The following BBS9 variants were observed in gnomAD, a reference collection of about 807,000 sequenced individuals.
The protein encoded by BBS9 is protein PTHB1.
Under a neutral mutation model 117.7 loss-of-function variants are expected in BBS9, and 89 were observed. The ratio of observed to expected loss-of-function variants is 0.76; its 90% confidence interval spans 0.64 to 0.90. The LOEUF (loss-of-function observed/expected upper bound fraction) is 0.90, where lower values mean the gene tolerates loss of function less well. BBS9 is among the 40% of genes least tolerant of loss of function. The pLI is 0.00. For synonymous variants in BBS9, 379 were observed against 370.9 expected (o/e 1.02, Z -0.25); for missense variants, 982 against 1,042.2 (o/e 0.94, Z 0.80).
chr7:33,567,943 A>G (rs956785701), intron 21 of BBS9, among the ~76,000 whole-genome samples: 1 of 152,214 alleles, frequency 6.6e-6, no homozygotes, highest in Admixed American at 6.5e-5. Flanking sequence ...AGCCTAGCTT[A>G]GGCCACCACT....
chr7:33,442,571 T>A (rs1836370309), intron 19 of BBS9, among the ~76,000 whole-genome samples: 1 of 152,238 alleles, frequency 6.6e-6, no homozygotes. Flanking sequence ...GCTAAAGTTT[T>A]ACAATTGATT....
intron 5 of BBS9, among the ~76,000 whole-genome samples, chr7:33,233,961 G>T (rs535583158): frequency 1.3e-5 from 2 of 152,000 alleles, no homozygotes; most frequent in African/African-American, 2.4e-5. Flanking sequence ...TAAACAATTC[G>T]TAAGTTTTAA....
chr7:33,493,195 A>G (rs945083317), intron 19 of BBS9, among the ~76,000 whole-genome samples: 4 of 152,056 alleles, frequency 2.6e-5, no homozygotes, highest in African/African-American at 4.8e-5. Context: ...GGGTTTTGCC[A>G]TGTTGGCCAG....
chr7:33,352,954 A>G lies in BBS9; in HGVS notation c.1552+81A>G. On this transcript the variant is annotated intron_variant, in intron 15 of 22. Transcript: ENST00000242067. ...TTGAATTGGTATTATACCATGAATGAACTCTTTTTATGGACTGCTCTTTTA... is the reference window on the plus strand; with the variant it reads ...TTGAATTGGTATTATACCATGAATGGACTCTTTTTATGGACTGCTCTTTTA... The G allele has an allele frequency of 2.1e-6, 3 of 1,427,372 alleles. No individual in the cohort carries two copies. The South Asian group carries it at 3.5e-5, about 17-fold the overall frequency. The allele number at this position is 1,427,372 out of a possible 1,614,324, so 88.4% of individuals were successfully genotyped here.
chr7:33,496,077 G>C (rs975931953), intron 19 of BBS9, among the ~76,000 whole-genome samples: 1 of 152,092 alleles, frequency 6.6e-6, no homozygotes, highest in Non-Finnish European at 1.5e-5. Flanking sequence ...TTAGTGTTTC[G>C]AAGGATCAGG....
chr7:33,624,497 C>T (rs1865550430), intron 21 of BBS9, among the ~76,000 whole-genome samples: 1 of 152,168 alleles, frequency 6.6e-6, no homozygotes, highest in Admixed American at 6.5e-5. Context: ...TCTATTTCTC[C>T]TCTTTTACTT....
chr7:33,590,845 A>G (rs1285449821), intron 21 of BBS9, among the ~76,000 whole-genome samples: 2 of 149,352 alleles, frequency 1.3e-5, no homozygotes, highest in Non-Finnish European at 3.0e-5. Context: ...AGATCAAGTA[A>G]ATAGTTTTTC....
At chr7:33,224,176 C>T (rs1790806442) in intron 5 of BBS9, among the ~76,000 whole-genome samples, 1 of 152,096 alleles carries the variant, frequency 6.6e-6, no homozygotes, top group African/African-American at 2.4e-5. Flanking sequence ...AATGACTATG[C>T]TAAATTATTT....
intron 19 of BBS9, among the ~76,000 whole-genome samples, chr7:33,471,469 C>T (rs1456916092): frequency 3.3e-5 from 5 of 152,170 alleles, no homozygotes; most frequent in Admixed American, 2.0e-4. Context: ...CCTTGCTACA[C>T]GTATAGTCCA....
At chr7:33,618,374 C>T (rs1865246815) in intron 21 of BBS9, among the ~76,000 whole-genome samples, 1 of 151,270 alleles carries the variant, frequency 6.6e-6, no homozygotes, top group African/African-American at 2.4e-5. Context: ...CATTAACTGA[C>T]AATATGAAAA....
At chr7:33,213,377 G>T (rs1788401323) in intron 5 of BBS9, among the ~76,000 whole-genome samples, 1 of 152,174 alleles carries the variant, frequency 6.6e-6, no homozygotes, top group Admixed American at 6.5e-5. Context: ...ACCCTTCAGG[G>T]CAGTGGGCTC....
At chr7:33,606,786 A>C (rs1343792572), downstream of BBS9, among the ~76,000 whole-genome samples, 1 of 152,056 alleles carries the variant, frequency 6.6e-6, no homozygotes, top group African/African-American at 2.4e-5. Flanking sequence ...GTCCTCTTGG[A>C]ATAAGTGGAC....
At chr7:33,361,346 A>G (rs981473728) in intron 16 of BBS9, among the ~76,000 whole-genome samples, 1 of 152,206 alleles carries the variant, frequency 6.6e-6, no homozygotes, top group Non-Finnish European at 1.5e-5. Flanking sequence ...TTGCTTGTCA[A>G]TACATTTATA....
chr7:33,253,824 C>G (rs906809275), intron 5 of BBS9, among the ~76,000 whole-genome samples: 4 of 152,128 alleles, frequency 2.6e-5, no homozygotes, highest in African/African-American at 9.7e-5. Flanking sequence ...GTATGTATAA[C>G]CTCTGCTCCT....
chr7:33,266,320 C>T (rs1011817014), intron 7 of BBS9, among the ~76,000 whole-genome samples: 4 of 152,188 alleles, frequency 2.6e-5, no homozygotes, highest in African/African-American at 9.7e-5. Context: ...AGAAACAGAA[C>T]TTACCCAATG....
chr7:33,311,646 G>A (rs552552725), intron 9 of BBS9, among the ~76,000 whole-genome samples: 44 of 152,138 alleles, frequency 2.9e-4, no homozygotes, highest in Admixed American at 8.5e-4. Flanking sequence ...AGAAAACCCC[G>A]TCTCTACTGA....
intron 21 of BBS9, among the ~76,000 whole-genome samples, chr7:33,545,721 G>A (rs933261281): frequency 2.6e-5 from 4 of 151,948 alleles, no homozygotes; most frequent in Admixed American, 1.3e-4. Flanking sequence ...CCCCTGAATC[G>A]AAAATTTAAA....
chr7:33,264,396 T>G (rs371788504), intron 7 of BBS9, 22 bp downstream of exon 7: 1 of 1,441,796 alleles, frequency 6.9e-7, no homozygotes, highest in African/African-American at 1.4e-5. Context: ...TTTTAATATA[T>G]AAAAATTTCA....
intron 5 of BBS9, among the ~76,000 whole-genome samples, chr7:33,189,295 A>G (rs1783660834): frequency 6.6e-6 from 1 of 152,142 alleles, no homozygotes; most frequent in Non-Finnish European, 1.5e-5. Context: ...CTAGGATTAT[A>G]GGCATGAGCC....
Sources: gnomAD v4.1 joint callset for allele counts (sites outside exome capture counted in the v4.1 genomes callset) on GRCh38, gnomAD v4.1.1 for gene constraint, MANE v1.5 for transcripts, NCBI Gene and HGNC (gene_info 2026-07-23, HGNC 2026-07-21) for gene names.